Variants in KIAA0319 observed in about 807,000 individuals in gnomAD.
KIAA0319 encodes the protein dyslexia-associated protein KIAA0319.
A neutral mutation model predicts 108.4 loss-of-function variants in KIAA0319; 83 were observed. The observed-to-expected ratio is 0.77, with a 90% confidence interval of 0.64 to 0.92. The LOEUF (loss-of-function observed/expected upper bound fraction) is 0.92. KIAA0319 is among the 40% of genes least tolerant of loss of function. KIAA0319 has a pLI of 0.00. For synonymous variants in KIAA0319, 484 were observed against 510.4 expected (o/e 0.95, Z 0.70); for missense variants, 1,195 against 1,322.4 (o/e 0.90, Z 1.49).
chr6:24,588,917 A>G, intron 3 of KIAA0319, 132 bp from the exon 4 acceptor site: 1 of 720,484 alleles, frequency 1.4e-6, no homozygotes, highest in Non-Finnish European at 2.3e-6. Flanking sequence ...TAATATTGCA[A>G]AACTCTGGAA....
intron 1 of KIAA0319, among the ~76,000 whole-genome samples, chr6:24,615,716 TTC>T (rs1487052285): frequency 5.3e-5 from 8 of 152,218 alleles, no homozygotes; most frequent in African/African-American, 1.9e-4. Flanking sequence ...CAGCTCTTCT[TTC>T]TGTTACTTGC....
At chr6:24,564,734 T>C (rs1369959496) in intron 14 of KIAA0319, among the ~76,000 whole-genome samples, 3 of 152,220 alleles carry the variant, frequency 2.0e-5, no homozygotes, top group Non-Finnish European at 4.4e-5. Context: ...AATTCCCTCA[T>C]AATGTATCAT....
At chr6:24,598,609 C>T (rs1770112939) in intron 2 of KIAA0319, 19 of 353,596 alleles carry the variant, frequency 5.4e-5, no homozygotes, top group South Asian at 4.7e-4. Flanking sequence ...GGTGCGGTGG[C>T]TCACATCTGT....
intron 1 of KIAA0319, among the ~76,000 whole-genome samples, chr6:24,612,868 C>T (rs945907091): frequency 2.6e-5 from 4 of 152,008 alleles, no homozygotes; most frequent in Admixed American, 6.5e-5. Flanking sequence ...GCACGATCTC[C>T]GCTCAATGCA....
chr6:24,580,613 G>A (rs1766348162), intron 7 of KIAA0319, among the ~76,000 whole-genome samples: 1 of 152,194 alleles, frequency 6.6e-6, no homozygotes, highest in Non-Finnish European at 1.5e-5. Context: ...CTTCGAAGGT[G>A]AAGCTGAATC....
At chr6:24,643,340 G>A (rs1044207615) in intron 1 of KIAA0319, among the ~76,000 whole-genome samples, 4 of 152,110 alleles carry the variant, frequency 2.6e-5, no homozygotes, top group African/African-American at 4.8e-5. Flanking sequence ...TACACTATTC[G>A]GGTAATGGGT....
chr6:24,596,798 A>G (rs1186587886), intron 2 of KIAA0319, among the ~76,000 whole-genome samples, 180 bp from the exon 3 acceptor site: 1 of 152,110 alleles, frequency 6.6e-6, no homozygotes, highest in African/African-American at 2.4e-5. Context: ...CCATATATTC[A>G]TCCTCCTACC....
At chr6:24,583,726 C>A (rs1342045839) in intron 4 of KIAA0319, 24 bp from the exon 5 acceptor site, 2 of 1,381,692 alleles carry the variant, frequency 1.4e-6, no homozygotes, top group Admixed American at 3.4e-5. Flanking sequence ...AGAAATAATA[C>A]GTGCAATTAT....
intron 1 of KIAA0319, among the ~76,000 whole-genome samples, chr6:24,622,319 TAA>T (rs5874995): frequency 1.7e-5 from 2 of 114,620 alleles, no homozygotes; most frequent in Non-Finnish European, 1.8e-5. Context: ...TTTGAGAAAT[TAA>T]AAAAAAAAAA....
chr6:24,582,239 A>G lies in KIAA0319; in HGVS notation c.1191+10T>C. On this transcript the variant is annotated intron_variant, in intron 6 of 20. Coordinates refer to ENST00000378214, the MANE Select transcript of KIAA0319 (RefSeq NM_014809.4). ...GTGCTGTTAGACACAACCAGTCTCC[A>G]GTTACTTACTTGAGAGAGGTTAAGA... 1 of 1,479,350 alleles carries G rather than the reference A, an allele frequency of 6.8e-7. No individual in the cohort carries two copies. Among genetic ancestry groups the G allele is most frequent in the Non-Finnish European group, 9.5e-7 (1 of 1,057,572 alleles). The allele number at this position is 1,479,350 out of a possible 1,614,324, so 91.6% of individuals were successfully genotyped here.
intron 3 of KIAA0319, among the ~76,000 whole-genome samples, chr6:24,593,386 CTTTTTTTTTTTT>C (rs58826962): frequency 2.5e-5 from 2 of 79,360 alleles, no homozygotes; most frequent in Non-Finnish European, 4.8e-5. Context: ...GAATAATTAT[CTTTTTTTTTTTT>C]TTTTTTTTTT....
chr6:24,561,448 T>C (rs149853825), intron 16 of KIAA0319, among the ~76,000 whole-genome samples: 95 of 152,364 alleles, frequency 6.2e-4, no homozygotes, highest in South Asian at 1.2e-3. Flanking sequence ...TCTTCTCAAG[T>C]GAGTTTTTGT....
chr6:24,598,275 C>A (rs1301466574), intron 2 of KIAA0319: 6 of 635,218 alleles, frequency 9.4e-6, no homozygotes, highest in Non-Finnish European at 1.7e-5. Context: ...TGGAGGTGGA[C>A]CCCAACATCC....
chr6:24,555,322 C>T (rs1212813146), intron 18 of KIAA0319, among the ~76,000 whole-genome samples: 1 of 151,956 alleles, frequency 6.6e-6, no homozygotes, highest in Non-Finnish European at 1.5e-5. Context: ...CATGGCAAAA[C>T]CCTGTGTCTA....
rs1561891960 is a variant in KIAA0319 at position 24,545,641 on chromosome 6, T to G, written c.*1524A>C. 1 of 152,204 alleles carries G rather than the reference T, an allele frequency of 6.6e-6. No homozygotes were observed. The highest frequency in any genetic ancestry group is 2.4e-5 in the African/African-American group (1 of 41,442). 9.4% of individuals were successfully genotyped at this position (152,204 alleles called of 1,614,324 possible). ...TTATTTTAAAAATAAAATGACACAC[T>G]TTTTAGTTCTGCCTTTCCCCAGTAA... On this transcript the variant is annotated 3_prime_UTR_variant, in exon 21 of 21. Coordinates refer to ENST00000378214, the MANE Select transcript of KIAA0319 (RefSeq NM_014809.4).
intron 1 of KIAA0319, among the ~76,000 whole-genome samples, chr6:24,610,805 T>C (rs940792337): frequency 2.0e-5 from 3 of 152,128 alleles, no homozygotes; most frequent in African/African-American, 7.2e-5. Flanking sequence ...TACATGAATG[T>C]TCATAATAGC....
At chr6:24,611,243 G>A (rs2127553565) in intron 1 of KIAA0319, among the ~76,000 whole-genome samples, 1 of 151,124 alleles carries the variant, frequency 6.6e-6, no homozygotes. Context: ...TGTAATCCCA[G>A]CACCCAGCAC....
At chr6:24,578,499 A>ATGCTTT (rs1765874239) in intron 8 of KIAA0319, among the ~76,000 whole-genome samples, 1 of 152,208 alleles carries the variant, frequency 6.6e-6, no homozygotes, top group Non-Finnish European at 1.5e-5. Context: ...ACAGTGACAG[A>ATGCTTT]TGCTTTTGCT....
chr6:24,642,412 A>G (rs1214482076), intron 1 of KIAA0319, among the ~76,000 whole-genome samples: 1 of 152,214 alleles, frequency 6.6e-6, no homozygotes, highest in Non-Finnish European at 1.5e-5. Context: ...AATGATGAAA[A>G]CAAAAGATGG....
Sources: allele counts gnomAD v4.1 joint callset (sites outside exome capture counted in the v4.1 genomes callset), GRCh38; gene constraint gnomAD v4.1.1; transcripts MANE v1.5; gene names NCBI Gene and HGNC (gene_info 2026-07-23, HGNC 2026-07-21).